Variants in COPG2 observed in about 807,000 individuals in gnomAD.
The protein encoded by COPG2 is coatomer subunit gamma-2.
In COPG2, 37 loss-of-function variants were observed where a neutral mutation model predicts 46.3. The ratio of observed to expected loss-of-function variants is 0.80; its 90% CI spans 0.61 to 1.05. The LOEUF (loss-of-function observed/expected upper bound fraction) is 1.05. Among genes scored for constraint, COPG2 ranks in the 50% least tolerant of loss-of-function variants. The probability of loss-of-function intolerance (pLI) is 0.00; values close to 1 mark genes in which losing one functional copy is unlikely to be tolerated. For missense variants in COPG2, 427 were observed against 387.8 expected (o/e 1.10, Z -0.85); for synonymous variants, 159 against 129.7 (o/e 1.23, Z -1.53).
chr7:130,660,885 G>A (rs554493640), intron 4 of COPG2, among the ~76,000 whole-genome samples: 1 of 152,228 alleles, frequency 6.6e-6, no homozygotes, highest in South Asian at 2.1e-4. Flanking sequence ...GTCCCTGTCA[G>A]CCCGTTCTTG....
chr7:130,621,935 C>T (rs368846832), intron 5 of COPG2, among the ~76,000 whole-genome samples: 86 of 115,736 alleles, frequency 7.4e-4, no homozygotes, highest in African/African-American at 3.2e-3. Flanking sequence ...CAGAGCGAGA[C>T]TCCATCTCAA....
chr7:130,543,692 G>A (rs1793380800), intron 20 of COPG2, among the ~76,000 whole-genome samples: 1 of 152,138 alleles, frequency 6.6e-6, no homozygotes, highest in Non-Finnish European at 1.5e-5. Context: ...ACAAAGACTG[G>A]GCGTTACCAA....
chr7:130,600,551 C>G (rs1584567301), intron 9 of COPG2, among the ~76,000 whole-genome samples: 1 of 152,198 alleles, frequency 6.6e-6, no homozygotes, highest in Non-Finnish European at 1.5e-5. Context: ...GCGTGAGCCA[C>G]TATGCCTGGC....
At position 130,563,287 on chromosome 7, in the gene COPG2, A is replaced by G. The variant is rs1408722712; in HGVS notation, c.921T>C (p.Ala307=). Residue 307 remains alanine (A), a synonymous_variant, in exon 11 of 24, where the codon GCT becomes GCC. Coordinates refer to ENST00000425248, the MANE Select transcript of COPG2 (RefSeq NM_012133.6). The part of the protein sequence containing the change: ...SSPKPALRYA[A]VRTLNKVAMK... ...CACCTACCTTGTTCAAGGTCCTCAC[A>G]GCTGCATATCTCAAGGCTGGCTTAG... The G allele has an allele frequency of 7.5e-6, 3 of 398,138 alleles. No homozygotes were observed. The highest frequency in any genetic ancestry group is 4.4e-5 in the Admixed American group (1 of 22,708). 24.7% of individuals were successfully genotyped at this position (398,138 alleles called of 1,614,324 possible).
In COPG2 at chr7:130,646,983, GTA is replaced by G. The variant is rs200102751; in HGVS notation, c.323+5884_323+5885del. ...CATATATATATGTGTATATATATAT[GTA>G]TATATATATATGTGTATATATATAT... is the stretch of plus-strand genomic sequence containing the variant. On this transcript the variant is annotated intron_variant, in intron 5 of 23. Transcript: ENST00000425248. Among the ~76,000 whole-genome samples the G allele has an allele frequency of 4.4e-3, 81 of 18,440 alleles. No individual in the cohort carries two copies. In the East Asian group the frequency reaches 0.21, roughly 49 times the overall value. The allele number at this position is 18,440 out of a possible 152,430, so 12.1% of individuals were successfully genotyped here.
chr7:130,591,634 C>T lies in COPG2; in HGVS notation c.737+19319G>A, dbSNP rs576108434. Among the ~76,000 whole-genome samples, 36 of 144,910 alleles carry T rather than the reference C, an allele frequency of 2.5e-4. No homozygotes were observed. In the East Asian group the frequency reaches 4.2e-3, roughly 17 times the overall value. On this transcript the variant is annotated intron_variant, in intron 9 of 23. Transcript: ENST00000425248. Reference sequence around the variant, plus strand: ...CAGCCCCGCACCCGGCCAGCCGCCCCGTCCGGTTGGTGAGGGGCGCCTCTG... The same window carrying T: ...CAGCCCCGCACCCGGCCAGCCGCCCTGTCCGGTTGGTGAGGGGCGCCTCTG...
chr7:130,547,991 AG>A, intron 19 of COPG2, 146 bp from the exon 20 acceptor site: 1 of 397,248 alleles, frequency 2.5e-6, no homozygotes, highest in East Asian at 3.6e-5. Context: ...TTTTGGCAAC[AG>A]GGAGAGCCTT....
chr7:130,610,562 T>C (rs1385152983), intron 9 of COPG2: 5 of 522,180 alleles, frequency 9.6e-6, no homozygotes, highest in Non-Finnish European at 1.9e-5. Context: ...ACATCTTATG[T>C]GCCTCAGACT....
chr7:130,593,426 G>C (rs1794468980), intron 9 of COPG2, among the ~76,000 whole-genome samples: 1 of 152,166 alleles, frequency 6.6e-6, no homozygotes, highest in South Asian at 2.1e-4. Flanking sequence ...AAATTATATA[G>C]ACACACACAG....
At chr7:130,608,376 C>T (rs1006087567) in intron 9 of COPG2, 2 of 250,318 alleles carry the variant, frequency 8.0e-6, no homozygotes, top group East Asian at 2.3e-4. Flanking sequence ...TTTTAATTTA[C>T]CTACACATTT....
intron 12 of COPG2, 84 bp downstream of exon 12, chr7:130,560,949 T>C: frequency 2.5e-6 from 1 of 397,836 alleles, no homozygotes; most frequent in Non-Finnish European, 4.4e-6. Context: ...AATTTAAAAC[T>C]TCTGCTTCTC....
rs34699820 is a variant in COPG2, at chr7:130,612,248, G to GA, written c.493-11dup. The GA allele has an allele frequency of 3.7e-3, 4,001 of 1,088,764 alleles. No homozygotes were observed. The highest frequency in any genetic ancestry group is 9.9e-3 in the East Asian group (339 of 34,120). 67.4% of individuals were successfully genotyped at this position (1,088,764 alleles called of 1,614,324 possible). A position where few individuals can be genotyped will look rare whatever the true frequency, so the allele number is the denominator to read the frequency against. On this transcript the variant is annotated splice_polypyrimidine_tract_variant and intron_variant, in intron 7 of 23. Transcript: ENST00000425248. ...TTATCTTCATCATGTGCTAAATACA[G>GA]AAAAAAAAAAATGAGAATAAATAAT...
At chr7:130,513,329 A>ATGTGTGTGTGTGTGTGTGTG (rs1393548382) in intron 20 of COPG2, among the ~76,000 whole-genome samples, 2 of 67,216 alleles carry the variant, frequency 3.0e-5, no homozygotes, top group African/African-American at 9.7e-5. Flanking sequence ...ATATATATAT[A>ATGTGTGTGTGTGTGTGTGTG]TATATATATA....
intron 20 of COPG2, among the ~76,000 whole-genome samples, chr7:130,514,269 T>C (rs1799656897): frequency 6.6e-6 from 1 of 152,130 alleles, no homozygotes; most frequent in African/African-American, 2.4e-5. Context: ...GATCTTTGAG[T>C]AGTTTGTAGA....
intron 5 of COPG2, among the ~76,000 whole-genome samples, chr7:130,620,376 C>A (rs565906907): frequency 6.6e-6 from 1 of 152,236 alleles, no homozygotes; most frequent in South Asian, 2.1e-4. Context: ...TACCCCATAA[C>A]CACTTGATTT....
chr7:130,607,687 A>G, intron 9 of COPG2: 4 of 519,702 alleles, frequency 7.7e-6, no homozygotes, highest in South Asian at 5.6e-5. Flanking sequence ...TTTGAGACTC[A>G]TTCCTTTTAT....
chr7:130,555,227 G>T, intron 12 of COPG2, 95 bp from the exon 13 acceptor site: 1 of 389,710 alleles, frequency 2.6e-6, no homozygotes, highest in South Asian at 1.4e-4. Flanking sequence ...TTATAATTAT[G>T]GCTACTAAAC....
intron 20 of COPG2, among the ~76,000 whole-genome samples, chr7:130,546,436 A>G (rs1342179336): frequency 1.3e-5 from 2 of 152,228 alleles, no homozygotes; most frequent in African/African-American, 4.8e-5. Context: ...CAAAGGGATA[A>G]AGGAGGTAAT....
intron 20 of COPG2, among the ~76,000 whole-genome samples, chr7:130,524,521 G>A (rs1168620911): frequency 9.2e-5 from 14 of 152,106 alleles, no homozygotes; most frequent in South Asian, 2.1e-4. Context: ...AGAATGAGTC[G>A]GAGCAGGCAA....
Sources: allele counts gnomAD v4.1 joint callset (sites outside exome capture counted in the v4.1 genomes callset), GRCh38; gene constraint gnomAD v4.1.1; transcripts MANE v1.5; gene names NCBI Gene and HGNC (gene_info 2026-07-23, HGNC 2026-07-21).